Variants in GLIS3 observed in about 807,000 individuals in gnomAD.
GLIS3 encodes the protein GLIS family zinc finger 3.
In GLIS3, 53 loss-of-function variants were observed where a neutral mutation model predicts 78.6. The ratio of observed to expected loss-of-function variants is 0.67; its 90% CI spans 0.54 to 0.85. The LOEUF (loss-of-function observed/expected upper bound fraction) is 0.85. GLIS3 is among the 40% of genes least tolerant of loss of function. GLIS3 has a pLI of 0.00. For missense variants in GLIS3, 1,703 were observed against 1,231.1 expected (o/e 1.38, Z -5.74); for synonymous variants, 684 against 509.9 (o/e 1.34, Z -4.60).
chr9:4,002,071 G>C (rs1419819557), intron 4 of GLIS3, among the ~76,000 whole-genome samples: 1 of 152,110 alleles, frequency 6.6e-6, no homozygotes, highest in Non-Finnish European at 1.5e-5. Flanking sequence ...TTTCTGATAT[G>C]GACAGATTAT....
At chr9:4,265,842 T>G (rs1172544019) in intron 2 of GLIS3, among the ~76,000 whole-genome samples, 3 of 152,116 alleles carry the variant, frequency 2.0e-5, no homozygotes, top group Admixed American at 6.5e-5. Flanking sequence ...GGTGACAACT[T>G]CACAACTGAG....
intron 4 of GLIS3, among the ~76,000 whole-genome samples, chr9:3,938,433 T>C (rs535270568): frequency 2.0e-5 from 3 of 152,296 alleles, no homozygotes; most frequent in East Asian, 1.9e-4. Context: ...TTACTTACTA[T>C]AATAGATGGT....
intron 6 of GLIS3, among the ~76,000 whole-genome samples, chr9:3,919,229 A>T (rs865874848): frequency 6.6e-6 from 1 of 152,254 alleles, no homozygotes; most frequent in South Asian, 2.1e-4. Context: ...TAAAATTTTC[A>T]GTGTTGGGAA....
chr9:3,867,752 TGTGA>T lies in GLIS3; in HGVS notation c.2298-11572_2298-11569del, dbSNP rs1297446651. The stretch of plus-strand genomic sequence containing the variant: ...GTGCGTGCGTGTGTGTGTGTGTGTG[TGTGA>T]GTGCATGTGTGTATGCGTGTGCATG... On this transcript the variant is annotated intron_variant, in intron 8 of 10. Transcript: ENST00000381971. Among the ~76,000 whole-genome samples, 322 of 139,468 alleles carry T rather than the reference TGTGA, an allele frequency of 2.3e-3. 5 individuals are homozygous for T. In the South Asian group the frequency reaches 0.024, roughly 11 times the overall value. 91.5% of individuals were successfully genotyped at this position (139,468 alleles called of 152,430 possible). A position where few individuals can be genotyped will look rare whatever the true frequency, so the allele number is the denominator to read the frequency against.
intron 4 of GLIS3, among the ~76,000 whole-genome samples, chr9:3,994,848 T>G (rs1479835181): frequency 6.6e-6 from 1 of 152,222 alleles, no homozygotes; most frequent in Non-Finnish European, 1.5e-5. Flanking sequence ...AAGAATCTCT[T>G]TTTTAATGCA....
chr9:4,365,890 G>A, the GLIS3 span, among the ~76,000 whole-genome samples: 4 of 152,236 alleles, frequency 2.6e-5, 1 homozygote, highest in Admixed American at 2.0e-4. Context: ...GGGTCAAGGA[G>A]CTACGAGAAT....
At chr9:4,036,638 C>G (rs1006546397) in intron 4 of GLIS3, among the ~76,000 whole-genome samples, 2 of 152,160 alleles carry the variant, frequency 1.3e-5, no homozygotes, top group African/African-American at 4.8e-5. Context: ...GCCTTAAGCC[C>G]TGAGACTCAC....
chr9:4,191,771 T>C (rs7868309), intron 2 of GLIS3, among the ~76,000 whole-genome samples: 79,154 of 151,976 alleles, frequency 0.52, 21,156 homozygotes, highest in African/African-American at 0.65. Context: ...AATCATTGGC[T>C]CTACTGGTAC....
At chr9:3,907,968 G>A (rs1823837967) in intron 6 of GLIS3, among the ~76,000 whole-genome samples, 2 of 152,164 alleles carry the variant, frequency 1.3e-5, no homozygotes, top group Non-Finnish European at 2.9e-5. Flanking sequence ...TTTCTCTCCT[G>A]TACCTGCTTT....
intron 4 of GLIS3, among the ~76,000 whole-genome samples, chr9:4,032,454 TA>T (rs1391058423): frequency 1.6e-4 from 24 of 151,942 alleles, no homozygotes; most frequent in African/African-American, 5.3e-4. Context: ...TTCAAAATTT[TA>T]TATTTTTATA....
chr9:4,290,373 A>G (rs187910153), intron 1 of GLIS3, among the ~76,000 whole-genome samples: 11 of 152,158 alleles, frequency 7.2e-5, no homozygotes, highest in Admixed American at 2.0e-4. Flanking sequence ...GCCATCTACA[A>G]TAAGAGTTTT....
At chr9:4,042,000 G>A (rs570160136) in intron 4 of GLIS3, among the ~76,000 whole-genome samples, 1 of 152,100 alleles carries the variant, frequency 6.6e-6, no homozygotes, top group East Asian at 1.9e-4. Context: ...CTGTATATAC[G>A]CAGTGAGCTG....
At chr9:4,475,513 T>C in the GLIS3 span, among the ~76,000 whole-genome samples, 1 of 152,204 alleles carries the variant, frequency 6.6e-6, no homozygotes, top group Non-Finnish European at 1.5e-5. Flanking sequence ...ACTTGTGAAC[T>C]TGTTAAATAA....
At chr9:4,097,516 A>T (rs1830050633) in intron 4 of GLIS3, among the ~76,000 whole-genome samples, 1 of 152,018 alleles carries the variant, frequency 6.6e-6, no homozygotes, top group Admixed American at 6.6e-5. Context: ...ATCTCTTAGG[A>T]CCACCTCCGC....
At chr9:3,841,652 A>G (rs1818721312) in intron 9 of GLIS3, among the ~76,000 whole-genome samples, 1 of 152,208 alleles carries the variant, frequency 6.6e-6, no homozygotes, top group South Asian at 2.1e-4. Flanking sequence ...GATATTCTGT[A>G]TCTGATGCAG....
At chr9:4,142,624 T>C (rs985841900) in intron 2 of GLIS3, among the ~76,000 whole-genome samples, 1 of 152,160 alleles carries the variant, frequency 6.6e-6, no homozygotes, top group African/African-American at 2.4e-5. Context: ...AATACAAACC[T>C]TGAAACAAAT....
At chr9:3,841,708 T>C (rs1382197421) in intron 9 of GLIS3, among the ~76,000 whole-genome samples, 1 of 152,178 alleles carries the variant, frequency 6.6e-6, no homozygotes, top group African/African-American at 2.4e-5. Context: ...GAGTTGGGAA[T>C]TTTTCTATGA....
At chr9:3,867,029 C>CA (rs1425866602) in intron 8 of GLIS3, among the ~76,000 whole-genome samples, 1 of 152,160 alleles carries the variant, frequency 6.6e-6, no homozygotes, top group African/African-American at 2.4e-5. Flanking sequence ...ACAGGACCTA[C>CA]AGATGAATTA....
chr9:3,970,298 G>A (rs1157524864), intron 4 of GLIS3, among the ~76,000 whole-genome samples: 2 of 152,254 alleles, frequency 1.3e-5, no homozygotes, highest in East Asian at 3.9e-4. Context: ...TTTTTTAATG[G>A]TGGAAAAACT....
Sources: gnomAD v4.1 joint callset for allele counts (sites outside exome capture counted in the v4.1 genomes callset) on GRCh38, gnomAD v4.1.1 for gene constraint, MANE v1.5 for transcripts, NCBI Gene and HGNC (gene_info 2026-07-23, HGNC 2026-07-21) for gene names.